VSTM4: variants seen among roughly 807,000 people sequenced by gnomAD.
VSTM4 encodes V-set and transmembrane domain-containing protein 4.
A neutral mutation model predicts 36.4 loss-of-function variants in VSTM4; 20 were observed. That is an observed-to-expected ratio of 0.55 (90% CI 0.39 to 0.80). The LOEUF is 0.80. Among genes scored for constraint, VSTM4 ranks in the 30% least tolerant of loss-of-function variants. VSTM4 has a pLI of 0.00. For missense variants in VSTM4, 392 were observed against 404.5 expected, an observed-to-expected ratio of 0.97 and a Z score of 0.26; for synonymous variants, 182 against 173.9, an observed-to-expected ratio of 1.05 and a Z score of -0.37.
In VSTM4 at chr10:49,016,886, C is replaced by G. The variant is rs1843112686; in HGVS notation, c.*2764G>C. ...CATACCTCCCGGCTTCCTGTGCTGA[C>G]TCCATGCCAACCATGCCAAGGCCAA... On this transcript the variant is annotated 3_prime_UTR_variant, in exon 8 of 8. Coordinates refer to ENST00000332853, the MANE Select transcript of VSTM4 (RefSeq NM_001031746.5). The G allele has an allele frequency of 6.6e-6, 1 of 152,400 alleles. No individual in the cohort carries two copies. Among genetic ancestry groups the G allele is most frequent in the South Asian group, 2.1e-4 (1 of 4,828 alleles). 9.4% of individuals were successfully genotyped at this position (152,400 alleles called of 1,614,324 possible). A position where few individuals can be genotyped will look rare whatever the true frequency, so the allele number is the denominator to read the frequency against.
At chr10:49,029,095 A>G (rs765445131) in intron 7 of VSTM4, among the ~76,000 whole-genome samples, 6 of 152,196 alleles carry the variant, frequency 3.9e-5, no homozygotes, top group Non-Finnish European at 8.8e-5. Context: ...TGCATTCAGA[A>G]AGCTCTATTT....
intron 5 of VSTM4, among the ~76,000 whole-genome samples, chr10:49,060,930 C>A (rs1230869127): frequency 2.0e-5 from 3 of 152,194 alleles, no homozygotes; most frequent in African/African-American, 7.2e-5. Flanking sequence ...AAAGCTTTCT[C>A]TTTAGAACTG....
intron 7 of VSTM4, among the ~76,000 whole-genome samples, chr10:49,037,186 T>TA: frequency 6.6e-6 from 1 of 152,336 alleles, no homozygotes; most frequent in African/African-American, 2.4e-5. Context: ...TGACCTGTCT[T>TA]ACTAAAGTGA....
At chr10:49,108,575 T>C (rs1844834909) in intron 1 of VSTM4, among the ~76,000 whole-genome samples, 1 of 152,214 alleles carries the variant, frequency 6.6e-6, no homozygotes. Flanking sequence ...AGATGAGTAG[T>C]AAGGTCGGAT....
chr10:49,086,398 T>C lies in VSTM4; in HGVS notation c.458-375A>G, dbSNP rs80275624. ...TGTAGTGTACTTGTCCCAGTATTCC[T>C]GGATAGAGGAACCTGAAGTCATCAG... On this transcript the variant is annotated intron_variant, in intron 2 of 7. Coordinates refer to ENST00000332853, the MANE Select transcript of VSTM4 (RefSeq NM_001031746.5). Among the ~76,000 whole-genome samples the C allele has an allele frequency of 2.5e-3, 384 of 152,348 alleles. 1 individual carries two copies. Among genetic ancestry groups the C allele is most frequent in the African/African-American group, 8.6e-3 (358 of 41,576 alleles).
In VSTM4 at chr10:49,099,899, G is replaced by A. The variant is rs369750832; in HGVS notation, c.457+7695C>T. Among the ~76,000 whole-genome samples, 36 of 152,112 alleles carry A rather than the reference G, an allele frequency of 2.4e-4. No individual in the cohort carries two copies. In the East Asian group the frequency reaches 5.0e-3, roughly 21 times the overall value. ...TGGGTGGTGGCTGGTGCCTGTAATCGCAGCTACTTGAGAGGCTGAGGCAGG... is the reference window on the plus strand; with the variant it reads ...TGGGTGGTGGCTGGTGCCTGTAATCACAGCTACTTGAGAGGCTGAGGCAGG... On this transcript the variant is annotated intron_variant, in intron 2 of 7. Coordinates refer to ENST00000332853, the MANE Select transcript of VSTM4 (RefSeq NM_001031746.5).
chr10:49,021,446 A>T (rs1340647357), intron 7 of VSTM4, among the ~76,000 whole-genome samples: 1 of 152,198 alleles, frequency 6.6e-6, no homozygotes, highest in Non-Finnish European at 1.5e-5. Flanking sequence ...ATAAAATTTA[A>T]AAAAACTGAA....
chr10:49,107,713 G>A lies in VSTM4; in HGVS notation c.338C>T (p.Ser113Phe), dbSNP rs1027555232. Residue 113 changes from serine to phenylalanine, a missense_variant, in exon 2 of 8, where the codon TCC becomes TTC. By Grantham distance (155) the Ser-to-Phe change is radical. Coordinates refer to ENST00000332853, the MANE Select transcript of VSTM4 (RefSeq NM_001031746.5). ...EEQRGALYRLSVLTLQPSDQG... is the reference protein window; with the variant it reads ...EEQRGALYRLFVLTLQPSDQG... Reference sequence around the variant, plus strand: ...ATCGGAGGGCTGCAGTGTCAAGACGGAGAGCCTGTAGAGCGCCCCCCGCTG... The same window carrying A: ...ATCGGAGGGCTGCAGTGTCAAGACGAAGAGCCTGTAGAGCGCCCCCCGCTG... 6.2e-7 allele frequency: 1 copy of A among 1,614,210 alleles called. No homozygotes were observed. Among genetic ancestry groups the A allele is most frequent in the Non-Finnish European group, 8.5e-7 (1 of 1,180,044 alleles).
intron 1 of VSTM4, among the ~76,000 whole-genome samples, chr10:49,112,946 G>A (rs1253053104): frequency 6.6e-6 from 1 of 152,204 alleles, no homozygotes; most frequent in African/African-American, 2.4e-5. Flanking sequence ...CCTACTCATT[G>A]TGAAGTGGGA....
chr10:49,042,918 G>T (rs114130707), intron 7 of VSTM4, among the ~76,000 whole-genome samples: 2 of 152,180 alleles, frequency 1.3e-5, no homozygotes, highest in South Asian at 2.1e-4. Context: ...GAGACCACAG[G>T]GGGTGAGTAA....
At chr10:49,073,388 T>A (rs1844117044) in intron 4 of VSTM4, among the ~76,000 whole-genome samples, 1 of 152,178 alleles carries the variant, frequency 6.6e-6, no homozygotes, top group Admixed American at 6.5e-5. Context: ...CTGAGCAATA[T>A]CTGGGCAATT....
chr10:49,052,791 G>C (rs1273562649), intron 5 of VSTM4, among the ~76,000 whole-genome samples: 5 of 151,914 alleles, frequency 3.3e-5, no homozygotes, highest in African/African-American at 9.7e-5. Flanking sequence ...TCATTTTTGT[G>C]CACTTATAAC....
intron 7 of VSTM4, among the ~76,000 whole-genome samples, chr10:49,027,301 T>G (rs974711665): frequency 1.3e-5 from 2 of 152,192 alleles, no homozygotes; most frequent in Non-Finnish European, 1.5e-5. Context: ...CATGCATGTT[T>G]CTGAGCTATG....
rs759680022 is a variant in VSTM4 at position 49,077,237 on chromosome 10, T to C, written c.616A>G (p.Asn206Asp). ...MLVIVWQSVF[N>D]KRKSRVRHYL... ...TTCTTACCTCTGGATTTCCGCTTGT[T>C]AAACACAGACTGCCAGACGATGACC... Residue 206 changes from asparagine (N) to aspartate (D), a missense_variant, in exon 4 of 8, where the codon AAC becomes GAC. Coordinates refer to ENST00000332853, the MANE Select transcript of VSTM4 (RefSeq NM_001031746.5). 6.2e-7 allele frequency: 1 copy of C among 1,614,110 alleles called. No individual in the cohort carries two copies. The highest frequency in any genetic ancestry group is 8.5e-7 in the Non-Finnish European group (1 of 1,180,038).
intron 1 of VSTM4, among the ~76,000 whole-genome samples, chr10:49,113,167 T>C (rs1844929048): frequency 6.6e-6 from 1 of 152,228 alleles, no homozygotes; most frequent in South Asian, 2.1e-4. Context: ...GAATGCAAAC[T>C]GTCAGTACTG....
At chr10:49,086,186 A>G (rs1040251946) in intron 2 of VSTM4, among the ~76,000 whole-genome samples, 163 bp from the exon 3 acceptor site, 21 of 152,228 alleles carry the variant, frequency 1.4e-4, no homozygotes, top group Non-Finnish European at 3.1e-4. Context: ...CAGTTGGGAA[A>G]CAAGGGGCAC....
intron 3 of VSTM4, 95 bp from the exon 4 acceptor site, chr10:49,077,421 C>T: frequency 2.7e-6 from 3 of 1,123,910 alleles, no homozygotes; most frequent in African/African-American, 3.1e-5. Flanking sequence ...TATTTGAAAT[C>T]CCAGTGCTAC....
Position 49,037,939 on chromosome 10 carries a change from AG to A in VSTM4, c.837+9043del, listed in dbSNP as rs200131885. ...CACCCATTAGGATAGCTACTATCAA[AG>A]AAAAAAAAAAGGAAACCAACAAGTG... On this transcript the variant is annotated intron_variant, in intron 7 of 7. Transcript: ENST00000332853. Among the ~76,000 whole-genome samples, 535 of 148,226 alleles carry A rather than the reference AG, an allele frequency of 3.6e-3. 1 individual carries two copies. Among genetic ancestry groups the A allele is most frequent in the Middle Eastern group, 7.1e-3 (2 of 282 alleles).
chr10:49,056,501 G>C (rs1178296409), intron 5 of VSTM4, among the ~76,000 whole-genome samples: 1 of 152,262 alleles, frequency 6.6e-6, no homozygotes, highest in Non-Finnish European at 1.5e-5. Flanking sequence ...CTGCCGGGTT[G>C]TGCCTGCTGG....
Sources: allele counts gnomAD v4.1 joint callset (sites outside exome capture counted in the v4.1 genomes callset), GRCh38; gene constraint gnomAD v4.1.1; transcripts MANE v1.5; gene names NCBI Gene and HGNC (gene_info 2026-07-23, HGNC 2026-07-21).